The following POLA1 variants were observed in gnomAD, a reference collection of about 807,000 sequenced individuals.
POLA1 encodes the protein DNA polymerase alpha 1, catalytic subunit.
POLA1 carries 15 observed loss-of-function variants against 124.0 expected under a neutral mutation model. The ratio of observed to expected loss-of-function variants is 0.12; its 90% confidence interval spans 0.08 to 0.19. The LOEUF (loss-of-function observed/expected upper bound fraction) is 0.19, where lower values mean the gene tolerates loss of function less well. POLA1 is among the 10% of genes least tolerant of loss of function. The pLI, the probability that POLA1 is intolerant of heterozygous loss-of-function variation, is 1.00. For missense variants in POLA1, 886 were observed against 1,103.4 expected, an observed-to-expected ratio of 0.80 and a Z score of 2.79; for synonymous variants, 408 against 389.4, an observed-to-expected ratio of 1.05 and a Z score of -0.56.
chrX:24,933,984 T>C (rs1017212993), intron 36 of POLA1, among the ~76,000 whole-genome samples: 3 of 112,261 alleles, frequency 2.7e-5, no homozygotes, highest in Non-Finnish European at 5.6e-5. Flanking sequence ...GCATTATTAT[T>C]GTAACTGCTC....
chrX:24,930,879 G>A (rs376281916), intron 36 of POLA1, among the ~76,000 whole-genome samples: 2 of 112,436 alleles, frequency 1.8e-5, no homozygotes, highest in Non-Finnish European at 3.8e-5. Context: ...CATAGGCAAC[G>A]TGATCATTGG....
intron 26 of POLA1, among the ~76,000 whole-genome samples, chrX:24,777,981 C>T (rs1374291435): frequency 9.0e-6 from 1 of 111,152 alleles, no homozygotes; most frequent in African/African-American, 3.3e-5. Context: ...TGCATATATC[C>T]GATGTCAATA....
At chrX:24,960,085 T>A in intron 36 of POLA1, among the ~76,000 whole-genome samples, 2 of 111,561 alleles carry the variant, frequency 1.8e-5, no homozygotes, top group Middle Eastern at 4.6e-3. Context: ...TTTGAAACAC[T>A]GTGCTGTCCA....
At chrX:24,775,690 C>T (rs767245069) in intron 26 of POLA1, among the ~76,000 whole-genome samples, 1 of 111,895 alleles carries the variant, frequency 8.9e-6, no homozygotes, top group Non-Finnish European at 1.9e-5. Flanking sequence ...GTACATAGAG[C>T]TCTAAAGATT....
At chrX:24,978,301 T>G (rs1177326992) in intron 36 of POLA1, among the ~76,000 whole-genome samples, 1 of 112,062 alleles carries the variant, frequency 8.9e-6, no homozygotes, top group Admixed American at 9.4e-5. Flanking sequence ...AAATGTCCAC[T>G]TCTGTGTGTA....
At chrX:24,918,284 A>C (rs1207910816) in intron 35 of POLA1, among the ~76,000 whole-genome samples, 1 of 110,982 alleles carries the variant, frequency 9.0e-6, no homozygotes, top group Non-Finnish European at 1.9e-5. Context: ...TATGTATATG[A>C]ATCTATGCTG....
intron 26 of POLA1, among the ~76,000 whole-genome samples, chrX:24,798,239 G>A (rs1274281064): frequency 7.2e-5 from 8 of 111,614 alleles, no homozygotes; most frequent in Non-Finnish European, 1.5e-4. Context: ...AGAGTATAAT[G>A]GGACAGGAGA....
intron 30 of POLA1, among the ~76,000 whole-genome samples, chrX:24,819,009 C>T (rs1369711164): frequency 8.9e-6 from 1 of 111,969 alleles, no homozygotes; most frequent in Non-Finnish European, 1.9e-5. Flanking sequence ...CTGCACCAGA[C>T]GTCTACAGAT....
At chrX:24,827,818 C>T (rs1382391365) in intron 32 of POLA1, among the ~76,000 whole-genome samples, 2 of 112,200 alleles carry the variant, frequency 1.8e-5, no homozygotes, top group Non-Finnish European at 3.8e-5. Flanking sequence ...CCACCTCCCA[C>T]CCTTCTTTTA....
chrX:24,959,420 C>T (rs2048144895), intron 36 of POLA1, among the ~76,000 whole-genome samples: 1 of 107,727 alleles, frequency 9.3e-6, no homozygotes, highest in Admixed American at 9.9e-5. Flanking sequence ...GCCAAGAGCG[C>T]ACCACTGCAC....
intron 36 of POLA1, among the ~76,000 whole-genome samples, chrX:24,959,663 A>G (rs1020058344): frequency 9.0e-6 from 1 of 111,273 alleles, no homozygotes; most frequent in African/African-American, 3.3e-5. Flanking sequence ...TGCCTATTGA[A>G]CACTTGAAAC....
intron 36 of POLA1, among the ~76,000 whole-genome samples, chrX:24,974,829 A>G (rs2048347289): frequency 9.0e-6 from 1 of 110,650 alleles, no homozygotes; most frequent in Non-Finnish European, 1.9e-5. Context: ...AAACAAAGAA[A>G]CCCTAATATA....
intron 36 of POLA1, among the ~76,000 whole-genome samples, chrX:24,975,398 A>G (rs928744389): frequency 8.9e-6 from 1 of 112,315 alleles, no homozygotes; most frequent in African/African-American, 3.2e-5. Context: ...TTTAGCAATA[A>G]TAAACTCATT....
intron 35 of POLA1, among the ~76,000 whole-genome samples, chrX:24,898,107 C>T (rs1057124024): frequency 1.8e-5 from 2 of 112,025 alleles, no homozygotes; most frequent in African/African-American, 6.5e-5. Flanking sequence ...ATTTTTTTCT[C>T]TTTGGCTTTT....
At chrX:24,969,688 G>A (rs2048276596) in intron 36 of POLA1, among the ~76,000 whole-genome samples, 1 of 110,807 alleles carries the variant, frequency 9.0e-6, no homozygotes, top group African/African-American at 3.3e-5. Flanking sequence ...TGTATGTACA[G>A]GATTTGCATA....
rs1323868980 is a variant in POLA1, at chrX:24,727,940, T to TA, written c.1686+10dup. The TA allele has an allele frequency of 8.3e-7, 1 of 1,200,270 alleles. No individual in the cohort carries two copies. Among genetic ancestry groups the TA allele is most frequent in the Non-Finnish European group, 1.1e-6 (1 of 886,196 alleles). On this transcript the variant is annotated splice_donor_region_variant and intron_variant, in intron 15 of 36. Coordinates refer to ENST00000379068, the MANE Select transcript of POLA1 (RefSeq NM_001330360.2). ...TGCAAAGAACCATCAAAATGAGGTTTAAAAAATAGGACAGATTTTGTACCC... is the reference window on the plus strand; with the variant it reads ...TGCAAAGAACCATCAAAATGAGGTTTAAAAAAATAGGACAGATTTTGTACCC...
intron 33 of POLA1, 32 bp from the exon 34 acceptor site, chrX:24,843,514 A>G (rs761242502): frequency 9.0e-7 from 1 of 1,116,540 alleles, no homozygotes; most frequent in South Asian, 2.2e-5. Flanking sequence ...GCCTCACAGT[A>G]ATTTTTTGTA....
intron 26 of POLA1, among the ~76,000 whole-genome samples, chrX:24,763,381 A>C (rs894918135): frequency 1.8e-5 from 2 of 111,658 alleles, no homozygotes; most frequent in African/African-American, 6.5e-5. Flanking sequence ...GATGAAGAGC[A>C]CTGGAAGATG....
chrX:24,778,242 C>G (rs1443585003), intron 26 of POLA1, among the ~76,000 whole-genome samples: 1 of 111,183 alleles, frequency 9.0e-6, no homozygotes, highest in Non-Finnish European at 1.9e-5. Context: ...TGTGTTGCTA[C>G]TTGATTTTTT....
Sources: allele counts gnomAD v4.1 joint callset (sites outside exome capture counted in the v4.1 genomes callset), GRCh38; gene constraint gnomAD v4.1.1; transcripts MANE v1.5; gene names NCBI Gene and HGNC (gene_info 2026-07-23, HGNC 2026-07-21).